Variants in SEC24B observed in about 807,000 individuals in gnomAD.
SEC24B encodes the protein SEC24 homolog B, COPII component.
In SEC24B, 45 loss-of-function variants were observed where a neutral mutation model predicts 142.8. That is an observed-to-expected ratio of 0.32 (90% CI 0.25 to 0.40). The LOEUF (loss-of-function observed/expected upper bound fraction) is 0.40, where lower values mean the gene tolerates loss of function less well. Among genes scored for constraint, SEC24B ranks in the 10% least tolerant of loss-of-function variants. The pLI is 1.00. For missense variants in SEC24B, 1,409 were observed against 1,526.8 expected (o/e 0.92, Z 1.29); for synonymous variants, 574 against 568.2 (o/e 1.01, Z -0.15).
intron 1 of SEC24B, among the ~76,000 whole-genome samples, chr4:109,444,403 A>G (rs1307413062): frequency 3.3e-5 from 5 of 151,754 alleles, no homozygotes; most frequent in Non-Finnish European, 7.4e-5. Context: ...TGAAAGTAGA[A>G]TAAAGGGAAG....
At chr4:109,490,550 T>C (rs1018976627) in intron 4 of SEC24B, among the ~76,000 whole-genome samples, 1 of 152,056 alleles carries the variant, frequency 6.6e-6, no homozygotes, top group African/African-American at 2.4e-5. Context: ...TAATATACGC[T>C]AGCATACGTA....
At chr4:109,481,628 C>T (rs373576011) in intron 3 of SEC24B, 49 bp from the exon 4 acceptor site, 17 of 1,310,108 alleles carry the variant, frequency 1.3e-5, no homozygotes, top group Non-Finnish European at 1.8e-5. Context: ...TTTTATTTCT[C>T]ATCTTTCCTG....
intron 5 of SEC24B, among the ~76,000 whole-genome samples, chr4:109,492,673 A>G (rs1011479794): frequency 7.9e-5 from 12 of 152,312 alleles, no homozygotes; most frequent in African/African-American, 2.6e-4. Context: ...TAGGCCTACT[A>G]TATGTCAGGT....
chr4:109,436,301 C>T lies in SEC24B; in HGVS notation c.133+2299C>T, dbSNP rs577406249. On this transcript the variant is annotated intron_variant, in intron 1 of 23. Coordinates refer to ENST00000265175, the MANE Select transcript of SEC24B (RefSeq NM_006323.5). ...GCTAATCTCAAAAAAAAAAAGTTTG[C>T]TACGTGGTATCAGCATGTAGTAAGC... Among the ~76,000 whole-genome samples, 3 of 152,146 alleles carry T rather than the reference C, an allele frequency of 2.0e-5. No individual in the cohort carries two copies. In the East Asian group the frequency reaches 5.8e-4, roughly 29 times the overall value.
chr4:109,439,446 T>A (rs1728709523), intron 1 of SEC24B, among the ~76,000 whole-genome samples: 1 of 145,574 alleles, frequency 6.9e-6, no homozygotes, highest in Non-Finnish European at 1.5e-5. Context: ...AGTGACTGTG[T>A]CTGAATACAT....
intron 7 of SEC24B, 133 bp from the exon 8 acceptor site, chr4:109,509,876 T>C: frequency 1.9e-6 from 1 of 527,944 alleles, no homozygotes; most frequent in South Asian, 2.9e-5. Flanking sequence ...ATCAGGACCT[T>C]CTTGCTTACA....
At chr4:109,518,877 G>T (rs1465850625) in intron 11 of SEC24B, among the ~76,000 whole-genome samples, 3 of 142,640 alleles carry the variant, frequency 2.1e-5, no homozygotes, top group African/African-American at 8.0e-5. Flanking sequence ...TGTGATCTCT[G>T]CTCGCTGCAG....
At chr4:109,519,070 G>C (rs975110310) in intron 11 of SEC24B, among the ~76,000 whole-genome samples, 17 of 152,116 alleles carry the variant, frequency 1.1e-4, no homozygotes, top group African/African-American at 4.1e-4. Context: ...GCCTCCCAAA[G>C]TGCTGGGATT....
chr4:109,476,393 T>A (rs1385756806), intron 3 of SEC24B, among the ~76,000 whole-genome samples: 1 of 152,244 alleles, frequency 6.6e-6, no homozygotes, highest in Non-Finnish European at 1.5e-5. Flanking sequence ...CATCTTTCAG[T>A]GAAATGAATG....
In SEC24B at chr4:109,463,514, C is replaced by T; in HGVS notation, c.747C>T (p.His249=). Residue 249 remains histidine, a synonymous_variant, in exon 2 of 24, where the codon CAC becomes CAT. Coordinates refer to ENST00000265175, the MANE Select transcript of SEC24B (RefSeq NM_006323.5). The part of the protein sequence containing the change: ...PLPPLPSQQH[H]QQQSLSGYST... The stretch of plus-strand genomic sequence containing the variant: ...CACCTCTACCATCACAACAGCACCA[C>T]CAGCAGCAAAGTCTTTCAGGATACA... 1 of 1,614,132 alleles carries T rather than the reference C, an allele frequency of 6.2e-7. No homozygotes were observed. Among genetic ancestry groups the T allele is most frequent in the Non-Finnish European group, 8.5e-7 (1 of 1,180,020 alleles).
chr4:109,466,695 C>A (rs138359437), intron 2 of SEC24B, among the ~76,000 whole-genome samples: 2,069 of 152,280 alleles, frequency 0.014, 28 homozygotes, highest in Non-Finnish European at 0.023. Flanking sequence ...CAGGCGTGAG[C>A]CACTGCACCC....
rs754044087 is a variant in SEC24B, at chr4:109,501,539, C to T, written c.1489-4789C>T. On this transcript the variant is annotated intron_variant, in intron 6 of 23. Coordinates refer to ENST00000265175, the MANE Select transcript of SEC24B (RefSeq NM_006323.5). ...AAGCTGGAATGCAATGGCAGGATCG[C>T]GGCTCACTGCAACCTCTGCCTTCCA... is the stretch of plus-strand genomic sequence containing the variant. Among the ~76,000 whole-genome samples the T allele has an allele frequency of 3.3e-4, 50 of 152,324 alleles. 1 individual carries two copies. The highest frequency in any genetic ancestry group is 1.3e-3 in the Admixed American group (20 of 15,304).
At chr4:109,539,096 GGA>G (rs1199258579) in intron 23 of SEC24B, among the ~76,000 whole-genome samples, 1 of 151,938 alleles carries the variant, frequency 6.6e-6, no homozygotes, top group Non-Finnish European at 1.5e-5. Flanking sequence ...CAAGTAGCTG[GGA>G]TTACAGGCGC....
Position 109,530,355 on chromosome 4 carries a change from A to T in SEC24B, c.3143A>T (p.Asp1048Val). ...ARDALVNAVVDSLSAYGSTVS... is the reference protein window; with the variant it reads ...ARDALVNAVVVSLSAYGSTVS... ...GATGCCTTAGTGAATGCTGTAGTGGACTCATTGTCTGCATATGGCTCAACT... is the reference window on the plus strand; with the variant it reads ...GATGCCTTAGTGAATGCTGTAGTGGTCTCATTGTCTGCATATGGCTCAACT... The change falls in exon 19 of 24, where the codon GAC becomes GTC. Residue 1048 changes from aspartate (D) to valine (V), a missense_variant. Physicochemically the swap from Asp to Val is radical, Grantham distance 152 (BLOSUM62 -3). Transcript: ENST00000265175. 2 of 1,613,890 alleles carry T rather than the reference A, an allele frequency of 1.2e-6. No individual in the cohort carries two copies. Among genetic ancestry groups the T allele is most frequent in the Non-Finnish European group, 1.7e-6 (2 of 1,179,968 alleles).
chr4:109,444,601 T>C (rs1729266439), intron 1 of SEC24B, among the ~76,000 whole-genome samples: 2 of 152,034 alleles, frequency 1.3e-5, no homozygotes, highest in South Asian at 4.2e-4. Flanking sequence ...GAATCTGGTG[T>C]CTGAAAGGAG....
chr4:109,437,882 C>G lies in SEC24B; in HGVS notation c.133+3880C>G, dbSNP rs181503044. 6.8e-3 allele frequency among the ~76,000 whole-genome samples: 1,033 copies of G among 152,326 alleles called. 5 individuals are homozygous for G. Among genetic ancestry groups the G allele is most frequent in the Non-Finnish European group, 0.011 (721 of 68,028 alleles). On this transcript the variant is annotated intron_variant, in intron 1 of 23. Coordinates refer to ENST00000265175, the MANE Select transcript of SEC24B (RefSeq NM_006323.5). ...TTGTGATCCACCTGCCTCGGCCTCC[C>G]AGAGTGCTCGGATTACAGACGTGAG...
rs1737171412 is a variant in SEC24B, at chr4:109,510,197, T to C, written c.1776+86T>C. The stretch of plus-strand genomic sequence containing the variant: ...TAAATTTTATATTTTCTTAGAATTT[T>C]CTATATCTTCTTTTATTTGAAGTTA... On this transcript the variant is annotated intron_variant, in intron 8 of 23. Coordinates refer to ENST00000265175, the MANE Select transcript of SEC24B (RefSeq NM_006323.5). 5.1e-6 allele frequency: 3 copies of C among 588,540 alleles called. No individual in the cohort carries two copies. In the South Asian group the frequency reaches 1.1e-4, roughly 22 times the overall value. The allele number at this position is 588,540 out of a possible 1,614,324, so 36.5% of individuals were successfully genotyped here.
At chr4:109,452,986 A>G (rs963488409) in intron 1 of SEC24B, among the ~76,000 whole-genome samples, 1 of 152,248 alleles carries the variant, frequency 6.6e-6, no homozygotes, top group African/African-American at 2.4e-5. Flanking sequence ...GGTCTGAGAA[A>G]TAAAGGGAAA....
At chr4:109,476,096 C>T (rs899131076) in intron 3 of SEC24B, among the ~76,000 whole-genome samples, 2 of 151,650 alleles carry the variant, frequency 1.3e-5, no homozygotes, top group African/African-American at 4.9e-5. Context: ...AAGCGATTCT[C>T]ATGTCTCAGC....
Sources: gnomAD v4.1 joint callset for allele counts (sites outside exome capture counted in the v4.1 genomes callset) on GRCh38, gnomAD v4.1.1 for gene constraint, MANE v1.5 for transcripts, NCBI Gene and HGNC (gene_info 2026-07-23, HGNC 2026-07-21) for gene names.